Variants in SCOC observed in about 807,000 individuals in gnomAD.
SCOC encodes short coiled coil protein.
In SCOC, 7 loss-of-function variants were observed where a neutral mutation model predicts 9.9. The observed-to-expected ratio is 0.71, with a 90% CI of 0.40 to 1.33. The LOEUF (loss-of-function observed/expected upper bound fraction) is 1.33. SCOC is among the 40% of genes most tolerant of loss of function. The pLI, the probability that SCOC is intolerant of heterozygous loss-of-function variation, is 0.01. For synonymous variants in SCOC, 19 were observed against 28.2 expected (o/e 0.67, Z 1.03); for missense variants, 66 against 89.7 (o/e 0.74, Z 1.07).
At chr4:140,353,463 T>G (rs1304564183) in intron 2 of SCOC, among the ~76,000 whole-genome samples, 1 of 151,394 alleles carries the variant, frequency 6.6e-6, no homozygotes, top group East Asian at 1.9e-4. Flanking sequence ...CAGGCTGGAG[T>G]GCAGTGGCAT....
chr4:140,296,569 T>C (rs963110092), intron 1 of SCOC, among the ~76,000 whole-genome samples: 1 of 152,166 alleles, frequency 6.6e-6, no homozygotes, highest in African/African-American at 2.4e-5. Context: ...GCTGATGCCA[T>C]TGAAGGACAC....
intron 1 of SCOC, among the ~76,000 whole-genome samples, chr4:140,305,082 G>A (rs1406310390): frequency 6.6e-6 from 1 of 152,166 alleles, no homozygotes; most frequent in African/African-American, 2.4e-5. Context: ...CCCTTCAGGA[G>A]GTTTGTACTG....
At chr4:140,375,601 G>A (rs1020558679) in intron 1 of SCOC, among the ~76,000 whole-genome samples, 3 of 152,208 alleles carry the variant, frequency 2.0e-5, no homozygotes, top group African/African-American at 7.2e-5. Context: ...TATTTGGTAA[G>A]ATGATCGTCT....
chr4:140,322,730 A>G (rs1388928351), intron 1 of SCOC, among the ~76,000 whole-genome samples: 1 of 152,220 alleles, frequency 6.6e-6, no homozygotes, highest in Non-Finnish European at 1.5e-5. Context: ...AGCAGAACAT[A>G]AACATTCAGA....
intron 1 of SCOC, among the ~76,000 whole-genome samples, chr4:140,274,202 A>C (rs1444580352): frequency 2.0e-5 from 3 of 152,232 alleles, no homozygotes; most frequent in Non-Finnish European, 4.4e-5. Context: ...GAGTAATTAC[A>C]AGCAGGCATG....
intron 2 of SCOC, chr4:140,366,870 G>A (rs915691738): frequency 1.6e-4 from 120 of 741,050 alleles, no homozygotes; most frequent in Admixed American, 2.5e-4. Context: ...TGTTGGTGGC[G>A]TTTGGCAAGA....
chr4:140,280,772 T>C (rs191611407), intron 1 of SCOC, among the ~76,000 whole-genome samples: 4 of 152,306 alleles, frequency 2.6e-5, no homozygotes, highest in Non-Finnish European at 1.5e-5. Context: ...GATCCACATA[T>C]GGGCTTTAGG....
intron 1 of SCOC, among the ~76,000 whole-genome samples, chr4:140,321,432 T>C (rs957425871): frequency 6.6e-6 from 1 of 152,038 alleles, no homozygotes; most frequent in East Asian, 1.9e-4. Context: ...TAAAGACTAA[T>C]GGAAAAGGTG....
chr4:140,320,092 A>C (rs1732454174), intron 1 of SCOC, among the ~76,000 whole-genome samples: 2 of 152,200 alleles, frequency 1.3e-5, no homozygotes, highest in African/African-American at 4.8e-5. Context: ...TCACAGGATG[A>C]GATAGGAGGT....
intron 2 of SCOC, among the ~76,000 whole-genome samples, chr4:140,355,048 G>A (rs1298016271): frequency 6.6e-6 from 1 of 151,732 alleles, no homozygotes; most frequent in East Asian, 1.9e-4. Context: ...GTGTCTGTGA[G>A]GATGTTGCCA....
chr4:140,353,473 T>C (rs532499416), intron 2 of SCOC, among the ~76,000 whole-genome samples: 1 of 151,800 alleles, frequency 6.6e-6, no homozygotes, highest in African/African-American at 2.4e-5. Flanking sequence ...TGCAGTGGCA[T>C]GATCTTGACT....
At chr4:140,366,993 G>A (rs936069707) in intron 2 of SCOC, 3 of 418,980 alleles carry the variant, frequency 7.2e-6, no homozygotes, top group Middle Eastern at 7.1e-4. Context: ...ATCGCTTGAG[G>A]TCAGGAGTTT....
upstream of SCOC, among the ~76,000 whole-genome samples, chr4:140,370,961 C>T (rs1468006467): frequency 6.6e-6 from 1 of 151,420 alleles, no homozygotes; most frequent in Non-Finnish European, 1.5e-5. Context: ...CACCATGTCA[C>T]TGCAAGCTCT....
At chr4:140,328,952 C>T (rs1436281947) in intron 1 of SCOC, among the ~76,000 whole-genome samples, 1 of 152,070 alleles carries the variant, frequency 6.6e-6, no homozygotes, top group Non-Finnish European at 1.5e-5. Flanking sequence ...AAAAACAATC[C>T]TAAAATTCAT....
intron 2 of SCOC, among the ~76,000 whole-genome samples, chr4:140,346,087 C>T (rs952173005): frequency 3.9e-5 from 6 of 152,154 alleles, no homozygotes; most frequent in Non-Finnish European, 7.3e-5. Flanking sequence ...ATCCAAGTCT[C>T]CTATGGTTGC....
intron 2 of SCOC, among the ~76,000 whole-genome samples, chr4:140,348,578 G>A (rs75222787): frequency 2.6e-4 from 10 of 38,688 alleles, no homozygotes; most frequent in African/African-American, 6.3e-4. Context: ...ATATATATAC[G>A]CACACACACA....
chr4:140,369,112 T>A (rs754060733), upstream of SCOC, among the ~76,000 whole-genome samples: 20 of 152,286 alleles, frequency 1.3e-4, no homozygotes, highest in Non-Finnish European at 2.9e-4. Flanking sequence ...ATTGAACAAA[T>A]AAATGAAAAT....
chr4:140,332,741 T>G (rs1368504601), intron 1 of SCOC, among the ~76,000 whole-genome samples: 4 of 152,122 alleles, frequency 2.6e-5, no homozygotes, highest in Non-Finnish European at 4.4e-5. Context: ...GGATCCAGAT[T>G]TGAAATCTGT....
At chr4:140,265,489 T>C (rs560918482) in intron 1 of SCOC, among the ~76,000 whole-genome samples, 4 of 152,322 alleles carry the variant, frequency 2.6e-5, no homozygotes, top group African/African-American at 9.6e-5. Context: ...CACAATAGGC[T>C]CTGAGACTTC....
Sources: gnomAD v4.1 joint callset for allele counts (sites outside exome capture counted in the v4.1 genomes callset) on GRCh38, gnomAD v4.1.1 for gene constraint, MANE v1.5 for transcripts, NCBI Gene and HGNC (gene_info 2026-07-23, HGNC 2026-07-21) for gene names.